FUT9: variants seen among roughly 807,000 people sequenced by gnomAD.
FUT9 encodes the protein 4-galactosyl-N-acetylglucosaminide 3-alpha-L-fucosyltransferase 9.
Under a neutral mutation model 29.7 loss-of-function variants are expected in FUT9, and 15 were observed. That is an observed-to-expected ratio of 0.51 (90% confidence interval 0.34 to 0.78). FUT9 has a LOEUF of 0.78. Ranked by LOEUF, FUT9 falls within the 30% of genes least tolerant of loss-of-function variation. FUT9 has a pLI of 0.01. For missense variants in FUT9, 319 were observed against 425.4 expected (o/e 0.75, Z 2.20); for synonymous variants, 169 against 153.7 (o/e 1.10, Z -0.74).
chr6:96,060,301 C>T (rs537838405), intron 1 of FUT9, among the ~76,000 whole-genome samples: 3 of 152,196 alleles, frequency 2.0e-5, no homozygotes, highest in South Asian at 2.1e-4. Context: ...AAATTCATTT[C>T]GAGTACCAAA....
intron 2 of FUT9, among the ~76,000 whole-genome samples, chr6:96,131,040 G>C (rs915429931): frequency 6.6e-6 from 1 of 152,120 alleles, no homozygotes; most frequent in East Asian, 1.9e-4. Flanking sequence ...ACACAAGATG[G>C]TGTGTATTTG....
At chr6:96,143,250 G>A (rs1474286739) in intron 2 of FUT9, among the ~76,000 whole-genome samples, 1 of 152,182 alleles carries the variant, frequency 6.6e-6, no homozygotes, top group African/African-American at 2.4e-5. Context: ...ACAGTGAGAA[G>A]ATGGCCCTCA....
intron 1 of FUT9, among the ~76,000 whole-genome samples, chr6:96,067,028 G>A (rs1770973515): frequency 6.6e-6 from 1 of 151,880 alleles, no homozygotes; most frequent in South Asian, 2.1e-4. Flanking sequence ...TTGAATAGCT[G>A]CCATGTGCAG....
intron 2 of FUT9, among the ~76,000 whole-genome samples, chr6:96,130,571 T>G (rs1772223529): frequency 6.6e-6 from 1 of 152,160 alleles, no homozygotes; most frequent in South Asian, 2.1e-4. Flanking sequence ...TTCATGAGCC[T>G]GAGTGAAACT....
At chr6:96,072,338 G>A (rs955144638) in intron 1 of FUT9, among the ~76,000 whole-genome samples, 1 of 152,062 alleles carries the variant, frequency 6.6e-6, no homozygotes, top group African/African-American at 2.4e-5. Flanking sequence ...TATAAATATG[G>A]AAAATGTGCA....
At chr6:96,127,949 T>A (rs892082318) in intron 2 of FUT9, among the ~76,000 whole-genome samples, 6 of 152,102 alleles carry the variant, frequency 3.9e-5, no homozygotes, top group African/African-American at 1.2e-4. Context: ...TAAATACTTT[T>A]TAAATATTTT....
intron 1 of FUT9, among the ~76,000 whole-genome samples, chr6:96,088,273 AT>A (rs1771352658): frequency 6.6e-6 from 1 of 152,024 alleles, no homozygotes; most frequent in Non-Finnish European, 1.5e-5. Context: ...AAATAAAAAA[AT>A]AAAATGTTCT....
At chr6:96,180,708 A>G (rs1191986066) in intron 2 of FUT9, among the ~76,000 whole-genome samples, 1 of 152,046 alleles carries the variant, frequency 6.6e-6, no homozygotes, top group Admixed American at 6.6e-5. Context: ...TATGAATGAG[A>G]ACATACAGTA....
chr6:96,048,579 A>T (rs771540482), intron 1 of FUT9, among the ~76,000 whole-genome samples: 1 of 152,200 alleles, frequency 6.6e-6, no homozygotes, highest in Admixed American at 6.5e-5. Flanking sequence ...AGAAGGAGAG[A>T]ATAATGGAGA....
At chr6:96,058,030 C>A (rs1222956959) in intron 1 of FUT9, among the ~76,000 whole-genome samples, 1 of 151,988 alleles carries the variant, frequency 6.6e-6, no homozygotes, top group Admixed American at 6.6e-5. Context: ...CTCATCTGGA[C>A]TGCTGCTTGA....
chr6:96,168,345 G>GTAC (rs1055278240), intron 2 of FUT9, among the ~76,000 whole-genome samples: 5 of 152,116 alleles, frequency 3.3e-5, no homozygotes, highest in Admixed American at 2.6e-4. Flanking sequence ...TGTGAACCAG[G>GTAC]TACTAAGGTC....
chr6:96,055,709 CTT>C (rs113298226), intron 1 of FUT9, among the ~76,000 whole-genome samples: 2 of 45,608 alleles, frequency 4.4e-5, no homozygotes, highest in Non-Finnish European at 5.8e-5. Flanking sequence ...ATTTCTTTTT[CTT>C]TTTTTTTTTT....
chr6:96,161,497 A>C (rs1411429608), intron 2 of FUT9, among the ~76,000 whole-genome samples: 4 of 152,228 alleles, frequency 2.6e-5, no homozygotes, highest in Admixed American at 2.0e-4. Context: ...AGAAACATAG[A>C]TACAGATAAA....
At chr6:96,115,786 A>G (rs1771899509) in intron 2 of FUT9, among the ~76,000 whole-genome samples, 1 of 152,212 alleles carries the variant, frequency 6.6e-6, no homozygotes, top group African/African-American at 2.4e-5. Context: ...ATGGATTTTT[A>G]CAGAACCCCA....
intron 2 of FUT9, among the ~76,000 whole-genome samples, chr6:96,179,843 T>A (rs1773273659): frequency 6.6e-6 from 1 of 152,086 alleles, no homozygotes; most frequent in South Asian, 2.1e-4. Flanking sequence ...TACAGCCAGA[T>A]TTGCCTACTG....
At chr6:96,109,813 A>T (rs1304824066) in intron 1 of FUT9, among the ~76,000 whole-genome samples, 1 of 152,088 alleles carries the variant, frequency 6.6e-6, no homozygotes, top group Non-Finnish European at 1.5e-5. Context: ...TCTCGTATCC[A>T]TTGCACTATA....
chr6:96,198,596 A>T (rs1024347080), intron 2 of FUT9, among the ~76,000 whole-genome samples: 2 of 152,130 alleles, frequency 1.3e-5, no homozygotes, highest in Non-Finnish European at 2.9e-5. Flanking sequence ...ATGTGTCTTT[A>T]TAGCAGCATG....
intron 1 of FUT9, among the ~76,000 whole-genome samples, chr6:96,106,340 T>C (rs555797552): frequency 6.6e-6 from 1 of 152,096 alleles, no homozygotes; most frequent in South Asian, 2.1e-4. Flanking sequence ...TGCTTTATCT[T>C]ATCTTGACGT....
intron 2 of FUT9, among the ~76,000 whole-genome samples, chr6:96,143,612 C>T (rs1012946417): frequency 6.6e-6 from 1 of 151,960 alleles, no homozygotes; most frequent in Non-Finnish European, 1.5e-5. Flanking sequence ...TATCTCAACC[C>T]CCAATTATTA....
Sources: gnomAD v4.1 joint callset for allele counts (sites outside exome capture counted in the v4.1 genomes callset) on GRCh38, gnomAD v4.1.1 for gene constraint, MANE v1.5 for transcripts, NCBI Gene and HGNC (gene_info 2026-07-23, HGNC 2026-07-21) for gene names.